The following RP1 variants were observed in gnomAD, a reference collection of about 807,000 sequenced individuals.
RP1 encodes oxygen-regulated protein 1.
A neutral mutation model predicts 14.8 loss-of-function variants in RP1; 16 were observed. The ratio of observed to expected loss-of-function variants is 1.08; its 90% CI spans 0.73 to 1.65. The LOEUF (loss-of-function observed/expected upper bound fraction) is 1.65. RP1 is among the 40% of genes most tolerant of loss of function. The pLI is 0.00. For synonymous variants in RP1, 876 were observed against 883.6 expected (o/e 0.99, Z 0.15); for missense variants, 2,631 against 2,535.0 (o/e 1.04, Z -0.81).
intron 25 of RP1, among the ~76,000 whole-genome samples, chr8:54,842,225 C>A (rs1420299961): frequency 6.6e-6 from 1 of 152,188 alleles, no homozygotes; most frequent in Non-Finnish European, 1.5e-5. Flanking sequence ...AGATACACAG[C>A]ATCTGGCGGC....
In RP1 at chr8:54,813,823, T is replaced by C. The variant is rs188638587; in HGVS notation, c.3616-23627T>C. Reference sequence around the variant, plus strand: ...GCTGTTTCTATTTTTTGTTTTCCTATGTGGATCAGGTTTATCTCTCAGAAT... The same window carrying C: ...GCTGTTTCTATTTTTTGTTTTCCTACGTGGATCAGGTTTATCTCTCAGAAT... On this transcript the variant is annotated intron_variant, in intron 24 of 28. Transcript: ENST00000637698. Among the ~76,000 whole-genome samples the C allele has an allele frequency of 1.1e-4, 17 of 152,318 alleles. No homozygotes were observed. The East Asian group carries it at 3.3e-3, about 29-fold the overall frequency.
chr8:54,580,083 AG>A (rs1481018317), intron 1 of RP1, among the ~76,000 whole-genome samples: 2 of 152,166 alleles, frequency 1.3e-5, no homozygotes, highest in Non-Finnish European at 2.9e-5. Context: ...TGACCTAAAT[AG>A]TGGCTCCAAC....
chr8:54,780,821 T>C (rs1810168719), intron 23 of RP1: 2 of 544,050 alleles, frequency 3.7e-6, no homozygotes, highest in African/African-American at 4.1e-5. Flanking sequence ...CCTCCACAGA[T>C]ACTGAGGAAC....
chr8:54,587,284 G>C (rs758622763), intron 1 of RP1, among the ~76,000 whole-genome samples: 3 of 152,162 alleles, frequency 2.0e-5, no homozygotes, highest in Non-Finnish European at 2.9e-5. Flanking sequence ...AAGTTAGCTG[G>C]ACATGATGGT....
At chr8:54,847,757 C>T (rs947245610) in intron 25 of RP1, among the ~76,000 whole-genome samples, 27 of 152,368 alleles carry the variant, frequency 1.8e-4, no homozygotes, top group African/African-American at 5.0e-4. Flanking sequence ...TTCACACTTT[C>T]CTGCTACCAC....
rs1330356815 is a variant in RP1, at chr8:54,855,961, ACACACACACACC to A, written c.3991-1065_3991-1054del. 8.9e-3 allele frequency among the ~76,000 whole-genome samples: 1,118 copies of A among 125,894 alleles called. 14 individuals carry two copies. Among genetic ancestry groups the A allele is most frequent in the African/African-American group, 0.034 (1,014 of 30,214 alleles). 82.6% of individuals were successfully genotyped at this position (125,894 alleles called of 152,430 possible). On this transcript the variant is annotated intron_variant, in intron 26 of 28. Coordinates refer to the RP1 transcript ENST00000637698. The stretch of plus-strand genomic sequence containing the variant: ...CACACACACACACACACACACACAC[ACACACACACACC>A]CCCTATAACCCAGCTGTTTCCCAAC...
At chr8:54,701,300 T>C (rs1302061444) in intron 13 of RP1, among the ~76,000 whole-genome samples, 2 of 152,178 alleles carry the variant, frequency 1.3e-5, no homozygotes, top group Non-Finnish European at 2.9e-5. Flanking sequence ...AAGGAAGTCA[T>C]TGGAGCAAGT....
chr8:54,856,256 G>A (rs902336389), intron 26 of RP1, among the ~76,000 whole-genome samples: 1 of 152,102 alleles, frequency 6.6e-6, no homozygotes, highest in Admixed American at 6.6e-5. Context: ...CAAAATAAAA[G>A]TGCTAAAAGT....
chr8:54,701,479 CT>C, intron 13 of RP1: 1 of 1,467,048 alleles, frequency 6.8e-7, no homozygotes, highest in Admixed American at 2.6e-5. Context: ...TTTGTTTTTC[CT>C]TTTAGGTTAG....
intron 17 of RP1, chr8:54,726,556 T>C: frequency 1.4e-6 from 2 of 1,417,146 alleles, no homozygotes; most frequent in East Asian, 2.5e-5. Context: ...GGAAGACTAT[T>C]AAATTATTTT....
At chr8:54,679,441 T>C (rs1296103420) in exon 10 of RP1, 7 of 1,535,776 alleles carry the variant, frequency 4.6e-6, no homozygotes, top group Non-Finnish European at 6.1e-6. Flanking sequence ...AGGGGGAAGA[T>C]GATTGTAAAA....
At chr8:54,684,296 G>T (rs897053326) in intron 12 of RP1, among the ~76,000 whole-genome samples, 2 of 152,050 alleles carry the variant, frequency 1.3e-5, no homozygotes, top group Non-Finnish European at 1.5e-5. Context: ...TCTCTGCCAG[G>T]TTTTGCTATC....
At chr8:54,618,511 C>T (rs982733712) in intron 1 of RP1, among the ~76,000 whole-genome samples, 1 of 152,048 alleles carries the variant, frequency 6.6e-6, no homozygotes, top group Non-Finnish European at 1.5e-5. Context: ...TCATGATGCA[C>T]CTACACCAAG....
chr8:54,849,708 T>C (rs1448834991), intron 25 of RP1, among the ~76,000 whole-genome samples: 1 of 152,132 alleles, frequency 6.6e-6, no homozygotes, highest in Non-Finnish European at 1.5e-5. Flanking sequence ...ACTAATAAGA[T>C]CATATAAATC....
At chr8:54,736,800 C>T (rs1246370884) in intron 18 of RP1, among the ~76,000 whole-genome samples, 3 of 152,120 alleles carry the variant, frequency 2.0e-5, no homozygotes, top group African/African-American at 7.2e-5. Flanking sequence ...CCATCCCAGA[C>T]CTACTGCATC....
rs116402653 is a variant in RP1 at position 54,789,692 on chromosome 8, T to C, written c.3615+5982T>C. ...GAGCATAGCCTGATGGAACAGGGAGTCCAGACAGCAAACCCACCTAATCGT... is the reference window on the plus strand; with the variant it reads ...GAGCATAGCCTGATGGAACAGGGAGCCCAGACAGCAAACCCACCTAATCGT... On this transcript the variant is annotated intron_variant, in intron 24 of 28. Transcript: ENST00000637698. 3.8e-3 allele frequency among the ~76,000 whole-genome samples: 581 copies of C among 151,680 alleles called. 5 individuals are homozygous for C. Among genetic ancestry groups the C allele is most frequent in the African/African-American group, 0.013 (551 of 41,316 alleles).
intron 15 of RP1, among the ~76,000 whole-genome samples, chr8:54,716,801 T>G (rs911549994): frequency 2.6e-5 from 4 of 152,230 alleles, no homozygotes; most frequent in Non-Finnish European, 5.9e-5. Flanking sequence ...TGAGCATTTC[T>G]AATCCATCTT....
chr8:54,853,433 A>C (rs1365018596), intron 26 of RP1, among the ~76,000 whole-genome samples: 1 of 151,982 alleles, frequency 6.6e-6, no homozygotes, highest in Non-Finnish European at 1.5e-5. Context: ...GGACTGGATC[A>C]CTCTAGGACC....
chr8:54,659,792 T>G (rs1806844183), intron 6 of RP1, among the ~76,000 whole-genome samples: 1 of 152,202 alleles, frequency 6.6e-6, no homozygotes, highest in African/African-American at 2.4e-5. Context: ...CTGCATTTAA[T>G]CTTTAGATTG....
Sources: gnomAD v4.1 joint callset for allele counts (sites outside exome capture counted in the v4.1 genomes callset) on GRCh38, gnomAD v4.1.1 for gene constraint, MANE v1.5 for transcripts, NCBI Gene and HGNC (gene_info 2026-07-23, HGNC 2026-07-21) for gene names.